The following PISD variants were observed in gnomAD, a reference collection of about 807,000 sequenced individuals.
PISD encodes the protein phosphatidylserine decarboxylase.
A neutral mutation model predicts 43.5 loss-of-function variants in PISD; 31 were observed. That is an observed-to-expected ratio of 0.71 (90% CI 0.54 to 0.96). The LOEUF (loss-of-function observed/expected upper bound fraction) is 0.96, where lower values mean the gene tolerates loss of function less well. PISD is among the 40% of genes least tolerant of loss of function. The pLI is 0.00. For missense variants in PISD, 523 were observed against 548.4 expected, an observed-to-expected ratio of 0.95 and a Z score of 0.46; for synonymous variants, 259 against 228.7, an observed-to-expected ratio of 1.13 and a Z score of -1.20.
intron 3 of PISD, 128 bp from the exon 4 acceptor site, chr22:31,622,013 G>A (rs1185466502): frequency 1.7e-5 from 12 of 701,912 alleles, no homozygotes; most frequent in Non-Finnish European, 2.7e-5. Context: ...CCAGGGCCCA[G>A]GTGCCCCACG....
intron 3 of PISD, among the ~76,000 whole-genome samples, chr22:31,631,840 G>A (rs895904634): frequency 2.0e-5 from 3 of 152,208 alleles, no homozygotes; most frequent in Non-Finnish European, 4.4e-5. Context: ...GTTGGCCCTA[G>A]AAGTCTCAGT....
At chr22:31,623,591 T>C in intron 3 of PISD, 1 of 1,271,774 alleles carries the variant, frequency 7.9e-7, no homozygotes, top group Non-Finnish European at 1.1e-6. Flanking sequence ...CCTCTGCTTC[T>C]GACAGCTCGC....
At chr22:31,633,532 G>A (rs1488248861) in intron 3 of PISD, among the ~76,000 whole-genome samples, 3 of 152,160 alleles carry the variant, frequency 2.0e-5, no homozygotes, top group African/African-American at 7.2e-5. Context: ...TGGCTAACAC[G>A]GTGAAACTCC....
At position 31,618,674 on chromosome 22, in the gene PISD, C is replaced by T. The variant is rs932264641; in HGVS notation, c.*938G>A. On this transcript the variant is annotated 3_prime_UTR_variant, in exon 8 of 8. Coordinates refer to ENST00000439502, the MANE Select transcript of PISD (RefSeq NM_001326411.2). ...TCAACATGAAATCTGGCCCTGTCCC[C>T]GCCACTGGGGGCTCCCCAGGCCTGC... 4.6e-5 allele frequency: 17 copies of T among 373,178 alleles called. No homozygotes were observed. Among genetic ancestry groups the T allele is most frequent in the Middle Eastern group, 7.0e-4 (1 of 1,428 alleles). The allele number at this position is 373,178 out of a possible 1,614,324, so 23.1% of individuals were successfully genotyped here. A position where few individuals can be genotyped will look rare whatever the true frequency, so the allele number is the denominator to read the frequency against.
chr22:31,624,993 A>G (rs1241115368), intron 3 of PISD, among the ~76,000 whole-genome samples: 1 of 152,160 alleles, frequency 6.6e-6, no homozygotes, highest in Non-Finnish European at 1.5e-5. Flanking sequence ...AGGAGACCAC[A>G]CTGCCATCCA....
intron 3 of PISD, among the ~76,000 whole-genome samples, chr22:31,628,407 T>C (rs892779116): frequency 6.6e-6 from 1 of 152,164 alleles, no homozygotes; most frequent in Non-Finnish European, 1.5e-5. Context: ...GGTGGGAGCC[T>C]CAGGCCCTGG....
Position 31,648,145 on chromosome 22 carries a change from T to G in PISD, c.277A>C (p.Lys93Gln), listed in dbSNP as rs1374910694. The G allele has an allele frequency of 6.2e-7, 1 of 1,612,116 alleles. No individual in the cohort carries two copies. Among genetic ancestry groups the G allele is most frequent in the Non-Finnish European group, 8.5e-7 (1 of 1,179,790 alleles). Residue 93 changes from lysine (K) to glutamine (Q), a missense_variant, in exon 3 of 8, where the codon AAG (lysine) becomes CAG (glutamine). Coordinates refer to ENST00000439502, the MANE Select transcript of PISD (RefSeq NM_001326411.2). ...TTGGGTGGAATCTCCAATCCCAGCT[T>G]CTCCAGCTCTCGCTCCCTGTACTTC... ...YEKYRERELE[K>Q]LGLEIPPKLA...
chr22:31,625,815 TG>T, intron 3 of PISD: 1 of 1,600,176 alleles, frequency 6.2e-7, no homozygotes, highest in Non-Finnish European at 8.5e-7. Flanking sequence ...TGACACATCA[TG>T]GGCCGGCGCA....
intron 3 of PISD, 24 bp from the exon 4 acceptor site, chr22:31,621,909 T>C (rs775076175): frequency 1.3e-6 from 2 of 1,545,644 alleles, no homozygotes; most frequent in South Asian, 1.1e-5. Context: ...GGCAAGGGGC[T>C]GAGTTGACCA....
At position 31,621,392 on chromosome 22, in the gene PISD, G is replaced by A. The variant is rs1430776027; in HGVS notation, c.639C>T (p.Tyr213=). The change falls in exon 5 of 8, where the codon TAC becomes TAT. Residue 213 remains tyrosine, a synonymous_variant. Transcript: ENST00000439502. The part of the protein sequence containing the change: ...CEVEQVKGVT[Y]SLESFLGPRM... ...GCGGGCCCAGGAACGACTCCAGGGA[G>A]TAGGTGACCCCCTTTACCTGCTCCA... 2 of 1,614,088 alleles carry A rather than the reference G, an allele frequency of 1.2e-6. No individual in the cohort carries two copies. The highest frequency in any genetic ancestry group is 8.5e-7 in the Non-Finnish European group (1 of 1,180,016).
At chr22:31,652,277 G>A (rs922123589) in intron 1 of PISD, among the ~76,000 whole-genome samples, 2 of 151,822 alleles carry the variant, frequency 1.3e-5, no homozygotes, top group Non-Finnish European at 2.9e-5. Flanking sequence ...AATTACAGGC[G>A]CATGCCACTG....
chr22:31,651,748 CA>C (rs558999529), intron 1 of PISD, among the ~76,000 whole-genome samples: 1 of 149,390 alleles, frequency 6.7e-6, no homozygotes, highest in African/African-American at 2.5e-5. Flanking sequence ...AACTCCGTCT[CA>C]AAAAAAAAGG....
chr22:31,625,775 C>A, intron 3 of PISD: 1 of 1,594,216 alleles, frequency 6.3e-7, no homozygotes, highest in Non-Finnish European at 8.5e-7. Context: ...TTTCGCCGCG[C>A]GGAGCTCTGG....
intron 3 of PISD, chr22:31,625,593 C>A (rs2072861641): frequency 2.6e-6 from 2 of 755,564 alleles, no homozygotes; most frequent in South Asian, 1.8e-5. Flanking sequence ...GAAGCGGGCT[C>A]TCCGACTCAG....
intron 3 of PISD, among the ~76,000 whole-genome samples, chr22:31,624,477 T>A (rs1220110347): frequency 6.6e-6 from 1 of 151,990 alleles, no homozygotes; most frequent in Non-Finnish European, 1.5e-5. Context: ...CCAGACAAGA[T>A]CTCAAAGGGA....
At chr22:31,662,113 G>T in intron 1 of PISD, 31 bp downstream of exon 1, 2 of 1,593,496 alleles carry the variant, frequency 1.3e-6, no homozygotes, top group Non-Finnish European at 8.6e-7. Flanking sequence ...GTTGCCCCAC[G>T]CCCCAAGGTA....
At chr22:31,626,153 G>C in intron 3 of PISD, 1 of 770,106 alleles carries the variant, frequency 1.3e-6, no homozygotes, top group South Asian at 2.3e-5. Flanking sequence ...GCTACCCAGG[G>C]CTGAGCCAGC....
intron 3 of PISD, among the ~76,000 whole-genome samples, chr22:31,633,584 G>A (rs997017904): frequency 2.0e-5 from 3 of 152,096 alleles, no homozygotes; most frequent in Non-Finnish European, 4.4e-5. Context: ...GCATGGTGGC[G>A]GGCGCCTGTA....
chr22:31,643,158 C>T (rs1481725664), intron 3 of PISD, among the ~76,000 whole-genome samples: 2 of 148,228 alleles, frequency 1.3e-5, no homozygotes, highest in South Asian at 2.2e-4. Flanking sequence ...GCATAAAAAA[C>T]AAAGCGCATG....
Sources: allele counts gnomAD v4.1 joint callset (sites outside exome capture counted in the v4.1 genomes callset), GRCh38; gene constraint gnomAD v4.1.1; transcripts MANE v1.5; gene names NCBI Gene and HGNC (gene_info 2026-07-23, HGNC 2026-07-21).